The following PXK variants were observed in gnomAD, a reference collection of about 807,000 sequenced individuals.
PXK encodes PX domain containing serine/threonine kinase like, also known as PX domain-containing protein kinase-like protein.
Under a neutral mutation model 84.7 loss-of-function variants are expected in PXK, and 35 were observed. The ratio of observed to expected loss-of-function variants is 0.41; its 90% confidence interval spans 0.32 to 0.55. The LOEUF (loss-of-function observed/expected upper bound fraction) is 0.55. PXK is among the 20% of genes least tolerant of loss of function. The pLI is 0.21. For missense variants in PXK, 634 were observed against 699.7 expected (o/e 0.91, Z 1.06); for synonymous variants, 253 against 260.8 (o/e 0.97, Z 0.29).
At chr3:58,342,700 ATTAC>A (rs1360338065) in intron 1 of PXK, among the ~76,000 whole-genome samples, 3 of 152,024 alleles carry the variant, frequency 2.0e-5, no homozygotes. Flanking sequence ...AACTTGGAGT[ATTAC>A]TTATTTTAGT....
At chr3:58,355,768 C>T (rs554807325) in intron 1 of PXK, among the ~76,000 whole-genome samples, 1 of 152,324 alleles carries the variant, frequency 6.6e-6, no homozygotes, top group South Asian at 2.1e-4. Flanking sequence ...GGGTCTACAT[C>T]ATTGGGGTGA....
rs2058398474 is a variant in PXK at position 58,400,551 on chromosome 3, G to T, written c.1181+1174G>T. On this transcript the variant is annotated intron_variant, in intron 12 of 17. Transcript: ENST00000356151. This position sits in a 1 kb window ranked among gnomAD's most constrained non-coding sequence, Gnocchi z 4.0. ...GAGGAAACCAAGCCCCTGCCCCGTG[G>T]ATGTGACATTCTACTGTTCCACAGA... 6.6e-6 allele frequency among the ~76,000 whole-genome samples: 1 copy of T among 152,222 alleles called. No homozygotes were observed. The highest frequency in any genetic ancestry group is 6.5e-5 in the Admixed American group (1 of 15,278).
chr3:58,420,383 GTTAAT>G (rs918986971), intron 17 of PXK, among the ~76,000 whole-genome samples: 3 of 152,204 alleles, frequency 2.0e-5, no homozygotes, highest in East Asian at 1.9e-4. Context: ...CAGTGCTGTG[GTTAAT>G]TTGAGTATAT....
intron 1 of PXK, among the ~76,000 whole-genome samples, chr3:58,350,711 A>G (rs1463125362): frequency 6.6e-6 from 1 of 152,196 alleles, no homozygotes; most frequent in East Asian, 1.9e-4. Context: ...TGGGAGATGG[A>G]GTAAACTGAG....
intron 4 of PXK, among the ~76,000 whole-genome samples, chr3:58,388,299 A>C (rs888302455): frequency 7.9e-5 from 12 of 152,182 alleles, no homozygotes; most frequent in African/African-American, 2.9e-4. Context: ...CCCTGTTCCT[A>C]AAACAATGTA....
rs1188726993 is a variant in PXK at position 58,416,403 on chromosome 3, C to T, written c.1528+3440C>T. ...CAGGTCCCTAAAAGTTGGGGGCGGT[C>T]CCAGTTTCTATCTCATTGTGATTGG... On this transcript the variant is annotated intron_variant, in intron 17 of 17. Transcript: ENST00000356151. The surrounding 1 kb of genome is among the most constrained non-coding windows in gnomAD (Gnocchi z 4.8). 6.6e-6 allele frequency among the ~76,000 whole-genome samples: 1 copy of T among 152,174 alleles called. No homozygotes were observed. Among genetic ancestry groups the T allele is most frequent in the African/African-American group, 2.4e-5 (1 of 41,434 alleles).
At chr3:58,345,888 A>G (rs115796863) in intron 1 of PXK, among the ~76,000 whole-genome samples, 3 of 152,330 alleles carry the variant, frequency 2.0e-5, no homozygotes, top group Admixed American at 2.0e-4. Context: ...CTCGTTGTTC[A>G]TCCTCTTCCA....
intron 17 of PXK, among the ~76,000 whole-genome samples, chr3:58,417,603 C>A (rs62258135): frequency 6.6e-6 from 1 of 151,974 alleles, no homozygotes; most frequent in African/African-American, 2.4e-5. Context: ...TTTGCTGAGA[C>A]CCCTGTTTTT....
chr3:58,336,071 A>ATTTTT (rs1171021563), intron 1 of PXK, among the ~76,000 whole-genome samples: 8 of 51,560 alleles, frequency 1.6e-4, no homozygotes, highest in Admixed American at 2.8e-4. Context: ...ATATATATAT[A>ATTTTT]TTTTTTTTTT....
chr3:58,390,716 A>G lies in PXK; in HGVS notation c.466+57A>G. ...AGACAGATCACAGAACTGGATCCTT[A>G]GTCATGCTTTCTGATACGTATCCCA... On this transcript the variant is annotated intron_variant, in intron 5 of 17. Coordinates refer to ENST00000356151, the MANE Select transcript of PXK (RefSeq NM_017771.5). The surrounding 1 kb of genome is among the most constrained non-coding windows in gnomAD (Gnocchi z 4.2). The G allele has an allele frequency of 1.3e-6, 2 of 1,503,092 alleles. No individual in the cohort carries two copies. Among genetic ancestry groups the G allele is most frequent in the Middle Eastern group, 1.7e-4 (1 of 5,738 alleles). The allele number at this position is 1,503,092 out of a possible 1,614,324, so 93.1% of individuals were successfully genotyped here. A position where few individuals can be genotyped will look rare whatever the true frequency, so the allele number is the denominator to read the frequency against.
In PXK at chr3:58,369,439, A is replaced by G. The variant is rs755092481; in HGVS notation, c.162A>G (p.Arg54=). Residue 54 remains arginine (R), a synonymous_variant, in exon 3 of 18, where the codon AGA becomes AGG. Coordinates refer to ENST00000356151, the MANE Select transcript of PXK (RefSeq NM_017771.5). ...CTTCTTGTCTCTTACAGATTGTTAG[A>G]AGATACAGTGACTTTGATTTGCTTA... ...ISVENSWQIV[R]RYSDFDLLNN... is the part of the protein sequence containing the mutation. 12 of 1,609,668 alleles carry G rather than the reference A, an allele frequency of 7.5e-6. No individual in the cohort carries two copies. The highest frequency in any genetic ancestry group is 1.3e-5 in the African/African-American group (1 of 74,824).
rs1445001460 is a variant in PXK, at chr3:58,411,874, A to G, written c.1466-1027A>G. ...TTTCAGTAAAACACCCTCATATTTT[A>G]TAGGGAACTGAGGGAATATTGCAAG... On this transcript the variant is annotated intron_variant, in intron 16 of 17. Transcript: ENST00000356151. This position sits in a 1 kb window ranked among gnomAD's most constrained non-coding sequence, Gnocchi z 4.2. 6.6e-6 allele frequency among the ~76,000 whole-genome samples: 1 copy of G among 152,148 alleles called. No individual in the cohort carries two copies. Among genetic ancestry groups the G allele is most frequent in the Non-Finnish European group, 1.5e-5 (1 of 68,034 alleles).
rs147126158 is a variant in PXK, at chr3:58,407,003, A to G, written c.1231-1921A>G. Among the ~76,000 whole-genome samples the G allele has an allele frequency of 1.7e-3, 257 of 152,318 alleles. No homozygotes were observed. The highest frequency in any genetic ancestry group is 0.01 in the Middle Eastern group (3 of 294). On this transcript the variant is annotated intron_variant, in intron 13 of 17. Transcript: ENST00000356151. This position sits in a 1 kb window ranked among gnomAD's most constrained non-coding sequence, Gnocchi z 4.3. Reference sequence around the variant, plus strand: ...CTGCTTTTACCTCTTGTCTGTCATGAATAATGCTGCAGTGAACATGGGTGT... The same window carrying G: ...CTGCTTTTACCTCTTGTCTGTCATGGATAATGCTGCAGTGAACATGGGTGT...
At chr3:58,394,968 T>C in intron 7 of PXK, 30 bp from the exon 8 acceptor site, 1 of 1,534,708 alleles carries the variant, frequency 6.5e-7, no homozygotes, top group Non-Finnish European at 9.0e-7. Context: ...CTGACGCAAA[T>C]CAATGTGAAT....
At position 58,332,963 on chromosome 3, in the gene PXK, A is replaced by AGGC. The variant is rs763160655; in HGVS notation, c.-16_-14dup. ...CCTCGGGTTCCTACCTCGCGTCCCT[A>AGGC]GGCGGCGGCGGCCGGGCGTCCCGGG... On this transcript the variant is annotated 5_prime_UTR_variant, in exon 1 of 18. Transcript: ENST00000356151. The surrounding 1 kb of genome is among the most constrained non-coding windows in gnomAD (Gnocchi z 5.6). 2 of 1,332,826 alleles carry AGGC rather than the reference A, an allele frequency of 1.5e-6. No individual in the cohort carries two copies. The highest frequency in any genetic ancestry group is 1.5e-5 in the South Asian group (1 of 67,770). 82.6% of individuals were successfully genotyped at this position (1,332,826 alleles called of 1,614,324 possible). A position where few individuals can be genotyped will look rare whatever the true frequency, so the allele number is the denominator to read the frequency against.
chr3:58,395,611 T>C (rs1405160318), intron 8 of PXK, 47 bp from the exon 9 acceptor site: 1 of 1,423,080 alleles, frequency 7.0e-7, no homozygotes, highest in South Asian at 1.2e-5. Flanking sequence ...TGTGCAGATA[T>C]TGGCCCCTCT....
chr3:58,347,910 A>G (rs12633937), intron 1 of PXK, among the ~76,000 whole-genome samples: 36,929 of 151,960 alleles, frequency 0.24, 6,124 homozygotes, highest in East Asian at 0.82. Context: ...TATGAGGCTA[A>G]TGAACTTTGT....
chr3:58,351,395 TTGTGTGTG>T (rs57349140), intron 1 of PXK, among the ~76,000 whole-genome samples: 9,374 of 140,606 alleles, frequency 0.067, 435 homozygotes, highest in South Asian at 0.11. Flanking sequence ...AGCTAGCTAT[TTGTGTGTG>T]TGTGTGTGTG....
chr3:58,403,244 A>G (rs1204093710), intron 12 of PXK, among the ~76,000 whole-genome samples: 1 of 152,058 alleles, frequency 6.6e-6, no homozygotes, highest in Non-Finnish European at 1.5e-5. Context: ...ACCTCAAGTG[A>G]TCCGCCTGCC....
Sources: gnomAD v4.1 joint callset for allele counts (sites outside exome capture counted in the v4.1 genomes callset) on GRCh38, gnomAD v4.1.1 for gene constraint, Gnocchi (gnomAD v3.1) non-coding constraint, MANE v1.5 for transcripts, NCBI Gene and HGNC (gene_info 2026-07-23, HGNC 2026-07-21) for gene names.